NOX5: variants seen among roughly 807,000 people sequenced by gnomAD.
NOX5 encodes the protein NADPH oxidase 5.
A neutral mutation model predicts 85.7 loss-of-function variants in NOX5; 76 were observed. That is an observed-to-expected ratio of 0.89 (90% CI 0.74 to 1.07). The LOEUF (loss-of-function observed/expected upper bound fraction) is 1.07, where lower values mean the gene tolerates loss of function less well. Among genes scored for constraint, NOX5 ranks in the 50% least tolerant of loss-of-function variants. The probability of loss-of-function intolerance (pLI) is 0.00; values close to 1 mark genes in which losing one functional copy is unlikely to be tolerated. For missense variants in NOX5, 973 were observed against 999.5 expected (o/e 0.97, Z 0.36); for synonymous variants, 405 against 401.4 (o/e 1.01, Z -0.11).
At chr15:69,014,947 G>A (rs2050213574) in intron 1 of NOX5, among the ~76,000 whole-genome samples, 162 bp downstream of exon 1, 2 of 152,184 alleles carry the variant, frequency 1.3e-5, no homozygotes, top group East Asian at 1.9e-4. Flanking sequence ...GGCAATCTTG[G>A]ATAAGTCACC....
chr15:69,017,002 T>C (rs2050239321), intron 1 of NOX5, among the ~76,000 whole-genome samples: 1 of 152,176 alleles, frequency 6.6e-6, no homozygotes, highest in East Asian at 1.9e-4. Flanking sequence ...GTGGGATTAC[T>C]GATAGAACAG....
chr15:69,028,397 G>A (rs749243343), intron 3 of NOX5, 32 bp downstream of exon 3: 2 of 1,544,400 alleles, frequency 1.3e-6, no homozygotes, highest in Admixed American at 1.9e-5. Flanking sequence ...GGGCTGGGGT[G>A]GGGAGATCAG....
rs1395539863 is a variant in NOX5 at position 69,062,025 on chromosome 15, A to G, written c.*5329A>G. On this transcript the variant is annotated 3_prime_UTR_variant, in exon 16 of 16. Transcript: ENST00000388866. ...CCCCAGTGACTAGAATAGCGTCACC[A>G]CCTAGTAGGTGCTTGGCGTGTTTCA... 6.6e-6 allele frequency: 1 copy of G among 152,128 alleles called. No individual in the cohort carries two copies. Among genetic ancestry groups the G allele is most frequent in the Non-Finnish European group, 1.5e-5 (1 of 68,022 alleles). 9.4% of individuals were successfully genotyped at this position (152,128 alleles called of 1,614,324 possible). A position where few individuals can be genotyped will look rare whatever the true frequency, so the allele number is the denominator to read the frequency against.
intron 3 of NOX5, chr15:69,031,258 A>T: frequency 1.9e-6 from 1 of 525,858 alleles, no homozygotes; most frequent in South Asian, 3.3e-5. Flanking sequence ...AAGCAGGTGT[A>T]TTTTCTGGGC....
At position 69,048,976 on chromosome 15, in the gene NOX5, C is replaced by T. The variant is rs1236854589; in HGVS notation, c.1917C>T (p.Ile639=). ...CTCCGTAGGTGGACTTTATCTGGATCAACAGAGACCAGCGGTCTTTCGAGT... is the reference window on the plus strand; with the variant it reads ...CTCCGTAGGTGGACTTTATCTGGATTAACAGAGACCAGCGGTCTTTCGAGT... ...MKLHKVDFIW[I]NRDQRSFEWF... Residue 639 remains isoleucine, a synonymous_variant, in exon 14 of 16, where the codon ATC becomes ATT. Coordinates refer to ENST00000388866, the MANE Select transcript of NOX5 (RefSeq NM_024505.4). 2 of 1,612,296 alleles carry T rather than the reference C, an allele frequency of 1.2e-6. No homozygotes were observed. The highest frequency in any genetic ancestry group is 2.7e-5 in the African/African-American group (2 of 74,892).
rs575723475 is a variant in NOX5, at chr15:69,048,397, G to A, written c.1899+486G>A. ...AAAATACAAAAATTAGTTGGGTGTG[G>A]TGGTGAGCACCTGTGGTCCCAGCTA... On this transcript the variant is annotated intron_variant, in intron 13 of 15. Transcript: ENST00000388866. Among the ~76,000 whole-genome samples, 387 of 152,292 alleles carry A rather than the reference G, an allele frequency of 2.5e-3. 3 individuals carry two copies. Among genetic ancestry groups the A allele is most frequent in the African/African-American group, 9.1e-3 (377 of 41,568 alleles).
intron 1 of NOX5, among the ~76,000 whole-genome samples, chr15:69,021,405 C>A (rs1377414041): frequency 6.6e-6 from 1 of 150,794 alleles, no homozygotes; most frequent in African/African-American, 2.5e-5. Flanking sequence ...GCAACCTCTG[C>A]CTCCTGGGTT....
chr15:69,053,798 G>A (rs907019097), intron 14 of NOX5, among the ~76,000 whole-genome samples: 1 of 151,924 alleles, frequency 6.6e-6, no homozygotes, highest in African/African-American at 2.4e-5. Flanking sequence ...CCCTCTCTGG[G>A]GTATGGTGAC....
chr15:69,042,625 A>G (rs1034797439), intron 9 of NOX5, 38 bp from the exon 10 acceptor site: 4 of 1,597,370 alleles, frequency 2.5e-6, no homozygotes, highest in African/African-American at 1.4e-5. Context: ...GCCGGTCACT[A>G]TGGACCTCCT....
At chr15:69,051,354 G>A (rs371102002) in intron 14 of NOX5, among the ~76,000 whole-genome samples, 1 of 152,130 alleles carries the variant, frequency 6.6e-6, no homozygotes, top group South Asian at 2.1e-4. Context: ...GTTTCAGGTG[G>A]AAGGGTAAAT....
Position 69,056,585 on chromosome 15 carries a change from T to G in NOX5, c.2187T>G (p.Ala729=). The G allele has an allele frequency of 6.2e-7, 1 of 1,613,350 alleles. No homozygotes were observed. The highest frequency in any genetic ancestry group is 8.5e-7 in the Non-Finnish European group (1 of 1,180,024). Residue 729 remains alanine, a synonymous_variant, in exon 16 of 16, where the codon GCT becomes GCG. Transcript: ENST00000388866. ...TCCAGGTGTTCCAGAAAGTGGCTGC[T>G]GAGAAGAAGGGCAAGGTGCAGGTCT... The part of the protein sequence containing the change: ...DWSKVFQKVA[A]EKKGKVQVFF...
chr15:69,055,886 T>C (rs1258370430), intron 15 of NOX5, among the ~76,000 whole-genome samples: 2 of 152,176 alleles, frequency 1.3e-5, no homozygotes, highest in African/African-American at 4.8e-5. Context: ...TTTGCAATCC[T>C]TTTATTTTAT....
intron 5 of NOX5, among the ~76,000 whole-genome samples, chr15:69,033,701 C>CTTTTTTTTTTTTT (rs570603838): frequency 2.3e-4 from 27 of 119,252 alleles, no homozygotes; most frequent in South Asian, 2.8e-4. Context: ...TCTTTTTTTT[C>CTTTTTTTTTTTTT]TTTTTTTTTT....
intron 10 of NOX5, 126 bp downstream of exon 10, chr15:69,042,931 G>A (rs889640654): frequency 8.7e-6 from 9 of 1,032,160 alleles, no homozygotes; most frequent in Middle Eastern, 2.7e-4. Context: ...CAGCACAAGG[G>A]GGTTAGGCAA....
In NOX5 at chr15:69,031,499, G is replaced by C. The variant is rs1012864310; in HGVS notation, c.326-19G>C. The C allele has an allele frequency of 8.2e-6, 13 of 1,590,304 alleles. No homozygotes were observed. Among genetic ancestry groups the C allele is most frequent in the Non-Finnish European group, 1.1e-5 (13 of 1,166,900 alleles). ...AAGCTGGAGGTGGGTAAACAGAAGA[G>C]GCCCACCACTTCTTGCAGTGTGTGC... is the stretch of plus-strand genomic sequence containing the variant. On this transcript the variant is annotated intron_variant, in intron 3 of 15. Coordinates refer to ENST00000388866, the MANE Select transcript of NOX5 (RefSeq NM_024505.4).
chr15:69,032,129 A>G, intron 4 of NOX5, among the ~76,000 whole-genome samples: 1 of 152,236 alleles, frequency 6.6e-6, no homozygotes, highest in East Asian at 1.9e-4. Context: ...GCCTAGGATC[A>G]CACAAATAAT....
intron 14 of NOX5, among the ~76,000 whole-genome samples, chr15:69,049,396 G>T (rs1474142263): frequency 1.3e-5 from 2 of 150,786 alleles, no homozygotes; most frequent in Non-Finnish European, 3.0e-5. Context: ...TCCTTATATT[G>T]CCCAGGCTAA....
At position 69,028,256 on chromosome 15, in the gene NOX5, T is replaced by C. The variant is rs1289260386; in HGVS notation, c.216T>C (p.Asp72=). The part of the protein sequence containing the change: ...AERFFALFDS[D]RSGTITLQEL... The stretch of plus-strand genomic sequence containing the variant: ...GATTCTTTGCCCTATTTGACTCCGA[T>C]AGAAGTGGCACCATCACCCTCCAGG... The change falls in exon 3 of 16, where the codon GAT becomes GAC. Residue 72 remains aspartate, a synonymous_variant. Transcript: ENST00000388866. 6.2e-7 allele frequency: 1 copy of C among 1,613,128 alleles called. No individual in the cohort carries two copies. The highest frequency in any genetic ancestry group is 8.5e-7 in the Non-Finnish European group (1 of 1,179,564).
intron 1 of NOX5, among the ~76,000 whole-genome samples, chr15:69,025,180 A>G (rs1448454317): frequency 6.6e-6 from 1 of 152,150 alleles, no homozygotes; most frequent in Non-Finnish European, 1.5e-5. Flanking sequence ...GTGTGTTTCT[A>G]TTTAAAGACA....
Sources: gnomAD v4.1 joint callset for allele counts (sites outside exome capture counted in the v4.1 genomes callset) on GRCh38, gnomAD v4.1.1 for gene constraint, MANE v1.5 for transcripts, NCBI Gene and HGNC (gene_info 2026-07-23, HGNC 2026-07-21) for gene names.